The following TOGARAM1 variants were observed in gnomAD, a reference collection of about 807,000 sequenced individuals.
TOGARAM1 encodes TOG array regulator of axonemal microtubules protein 1.
Under a neutral mutation model 166.6 loss-of-function variants are expected in TOGARAM1, and 100 were observed. The ratio of observed to expected loss-of-function variants is 0.60; its 90% CI spans 0.51 to 0.71. The LOEUF (loss-of-function observed/expected upper bound fraction) is 0.71, where lower values mean the gene tolerates loss of function less well. Among genes scored for constraint, TOGARAM1 ranks in the 30% least tolerant of loss-of-function variants. The pLI is 0.00. For missense variants in TOGARAM1, 2,029 were observed against 2,102.7 expected (o/e 0.96, Z 0.69); for synonymous variants, 758 against 763.8 (o/e 0.99, Z 0.13).
At chr14:44,976,530 T>C (rs1407568142) in intron 1 of TOGARAM1, among the ~76,000 whole-genome samples, 2 of 152,236 alleles carry the variant, frequency 1.3e-5, no homozygotes, top group African/African-American at 4.8e-5. Flanking sequence ...TAGTATCCAG[T>C]ATCTTTAGCA....
intron 1 of TOGARAM1, among the ~76,000 whole-genome samples, chr14:44,993,690 C>T (rs1397991012): frequency 6.6e-6 from 1 of 152,140 alleles, no homozygotes; most frequent in East Asian, 1.9e-4. Flanking sequence ...ATTGGTATGT[C>T]CTATAGTCTG....
At chr14:45,036,936 A>G (rs1351660414) in intron 11 of TOGARAM1, among the ~76,000 whole-genome samples, 1 of 152,194 alleles carries the variant, frequency 6.6e-6, no homozygotes, top group African/African-American at 2.4e-5. Context: ...GACAAAAGGC[A>G]CTTCTTATAT....
At chr14:44,987,199 A>G (rs1480674566) in intron 1 of TOGARAM1, among the ~76,000 whole-genome samples, 1 of 151,836 alleles carries the variant, frequency 6.6e-6, no homozygotes, top group Non-Finnish European at 1.5e-5. Context: ...TCGGCCTCCC[A>G]AAGTGCTGGG....
chr14:45,002,915 C>CT, intron 3 of TOGARAM1, among the ~76,000 whole-genome samples: 1 of 152,156 alleles, frequency 6.6e-6, no homozygotes, highest in Admixed American at 6.5e-5. Context: ...GGAGGCAGAG[C>CT]TTGCAGTGAG....
intron 11 of TOGARAM1, among the ~76,000 whole-genome samples, chr14:45,038,467 G>A (rs776332206): frequency 1.4e-4 from 22 of 152,222 alleles, no homozygotes; most frequent in Non-Finnish European, 2.4e-4. Flanking sequence ...GGCATATGCT[G>A]GTTGTGGCAG....
At position 45,068,533 on chromosome 14, in the gene TOGARAM1, C is replaced by T. The variant is rs776276329; in HGVS notation, c.4859C>T (p.Pro1620Leu). ...CCTCTACTTAGAGACCACTTATCTC[C>T]TATAATCAACATGCTAATTCCAGCA... ...MIPLLRDHLS[P>L]IINMLIPAIV... The change falls in exon 18 of 20, where the codon CCT becomes CTT. Residue 1620 changes from proline to leucine, a missense_variant. Transcript: ENST00000361462. 1.2e-6 allele frequency: 2 copies of T among 1,613,474 alleles called. No individual in the cohort carries two copies. Among genetic ancestry groups the T allele is most frequent in the Admixed American group, 3.3e-5 (2 of 59,948 alleles).
chr14:44,987,305 C>G (rs1886874175), intron 1 of TOGARAM1, among the ~76,000 whole-genome samples: 1 of 152,020 alleles, frequency 6.6e-6, no homozygotes, highest in African/African-American at 2.4e-5. Flanking sequence ...AAACTACTAT[C>G]AGAGTGAATA....
chr14:45,019,962 A>G (rs1323333433), intron 7 of TOGARAM1, among the ~76,000 whole-genome samples: 1 of 152,136 alleles, frequency 6.6e-6, no homozygotes, highest in African/African-American at 2.4e-5. Context: ...ACATCAGAGC[A>G]TGGGCTAGCA....
intron 13 of TOGARAM1, among the ~76,000 whole-genome samples, chr14:45,045,551 A>G (rs1194681474): frequency 0.067 from 1,527 of 22,746 alleles, 125 homozygotes; most frequent in African/African-American, 0.23. Flanking sequence ...GTGTATATAT[A>G]TATATATATA....
intron 9 of TOGARAM1, 87 bp from the exon 10 acceptor site, chr14:45,028,089 C>G: frequency 8.5e-7 from 1 of 1,174,210 alleles, no homozygotes; most frequent in Admixed American, 2.5e-5. Flanking sequence ...GACTAATATC[C>G]TCAGACACAA....
At chr14:45,009,270 T>A in intron 6 of TOGARAM1, 125 bp downstream of exon 6, 1 of 750,698 alleles carries the variant, frequency 1.3e-6, no homozygotes, top group Non-Finnish European at 2.1e-6. Context: ...AAAATATATT[T>A]AAAAGACATT....
chr14:45,018,015 TA>T lies in TOGARAM1; in HGVS notation c.3238+5948del, dbSNP rs1217794706. On this transcript the variant is annotated intron_variant, in intron 7 of 19. Transcript: ENST00000361462. ...TGCATTTTAAAAATTTCCCTTACAA[TA>T]AAAAAAAGTGGTTTTGAAGGGTATA... Among the ~76,000 whole-genome samples the T allele has an allele frequency of 1.3e-4, 20 of 151,994 alleles. No individual in the cohort carries two copies. The East Asian group carries it at 3.7e-3, about 28-fold the overall frequency.
In TOGARAM1 at chr14:44,962,227, G is replaced by A. The variant is rs563816431; in HGVS notation, c.-195G>A. The A allele has an allele frequency of 3.6e-6, 2 of 559,640 alleles. No homozygotes were observed. Among genetic ancestry groups the A allele is most frequent in the Non-Finnish European group, 6.0e-6 (2 of 332,976 alleles). 34.7% of individuals were successfully genotyped at this position (559,640 alleles called of 1,614,324 possible). ...TGGTTACGCCCGGTGGCAGCTGTGG[G>A]GTCTAGGGCTCAGACGGGGGCCATT... On this transcript the variant is annotated 5_prime_UTR_variant, in exon 1 of 20. Transcript: ENST00000361462.
rs561531020 is a variant in TOGARAM1 at position 45,066,854 on chromosome 14, T to C, written c.4749+87T>C. 602 of 1,129,076 alleles carry C rather than the reference T, an allele frequency of 5.3e-4. 1 individual carries two copies. The highest frequency in any genetic ancestry group is 5.2e-4 in the Non-Finnish European group (413 of 800,678). The allele number at this position is 1,129,076 out of a possible 1,614,324, so 69.9% of individuals were successfully genotyped here. A position where few individuals can be genotyped will look rare whatever the true frequency, so the allele number is the denominator to read the frequency against. ...ACTTTGGGAAGCCAAGGTAGAAGGA[T>C]CTCTTGAGGCTAGGAGTTCAAAGTT... On this transcript the variant is annotated intron_variant, in intron 17 of 19. Coordinates refer to ENST00000361462, the MANE Select transcript of TOGARAM1 (RefSeq NM_001308120.2).
intron 10 of TOGARAM1, among the ~76,000 whole-genome samples, chr14:45,031,713 A>G (rs1417627324): frequency 6.6e-6 from 1 of 152,192 alleles, no homozygotes; most frequent in Non-Finnish European, 1.5e-5. Context: ...TAAAAAGTAA[A>G]GTTTTCAATA....
chr14:44,970,972 A>T (rs931042764), intron 1 of TOGARAM1, among the ~76,000 whole-genome samples: 1 of 152,012 alleles, frequency 6.6e-6, no homozygotes, highest in Non-Finnish European at 1.5e-5. Flanking sequence ...ATGTTTGTTC[A>T]TAGGTGATAT....
chr14:45,016,608 G>T (rs917188113), intron 7 of TOGARAM1, among the ~76,000 whole-genome samples: 2 of 152,114 alleles, frequency 1.3e-5, no homozygotes, highest in African/African-American at 2.4e-5. Flanking sequence ...TGTTGCCCAG[G>T]CTGGCCTTGA....
At chr14:44,999,732 A>G (rs1037863968) in intron 3 of TOGARAM1, among the ~76,000 whole-genome samples, 1 of 152,150 alleles carries the variant, frequency 6.6e-6, no homozygotes, top group African/African-American at 2.4e-5. Flanking sequence ...GGAGATGAGT[A>G]TTGCATTTGC....
chr14:45,072,943 G>T lies in TOGARAM1; in HGVS notation c.5057-353G>T, dbSNP rs999191152. On this transcript the variant is annotated intron_variant, in intron 19 of 19. Transcript: ENST00000361462. ...AAAAAGACATTAAAATCAAATTTTGGTTCTTACAGAAAACTGCTATTTCAA... is the reference window on the plus strand; with the variant it reads ...AAAAAGACATTAAAATCAAATTTTGTTTCTTACAGAAAACTGCTATTTCAA... Among the ~76,000 whole-genome samples, 9 of 152,256 alleles carry T rather than the reference G, an allele frequency of 5.9e-5. No individual in the cohort carries two copies. In the East Asian group the frequency reaches 1.5e-3, roughly 26 times the overall value.
Sources: gnomAD v4.1 joint callset for allele counts (sites outside exome capture counted in the v4.1 genomes callset) on GRCh38, gnomAD v4.1.1 for gene constraint, MANE v1.5 for transcripts, NCBI Gene and HGNC (gene_info 2026-07-23, HGNC 2026-07-21) for gene names.